Variants in PLEKHH2 observed in about 807,000 individuals in gnomAD.
PLEKHH2 encodes pleckstrin homology, MyTH4 and FERM domain containing H2.
PLEKHH2 carries 129 observed loss-of-function variants against 187.9 expected under a neutral mutation model. The observed-to-expected ratio is 0.69, with a 90% CI of 0.59 to 0.79. The LOEUF is 0.79. Ranked by LOEUF, PLEKHH2 falls within the 30% of genes least tolerant of loss-of-function variation. PLEKHH2 has a pLI of 0.00. For synonymous variants in PLEKHH2, 686 were observed against 605.6 expected (o/e 1.13, Z -1.95); for missense variants, 2,076 against 1,751.2 (o/e 1.19, Z -3.31).
chr2:43,724,613 G>A (rs1239563811), intron 16 of PLEKHH2, among the ~76,000 whole-genome samples: 2 of 152,156 alleles, frequency 1.3e-5, no homozygotes, highest in Non-Finnish European at 2.9e-5. Flanking sequence ...ATTGTTTTGT[G>A]ATATATAACA....
At chr2:43,721,891 TAAAC>T (rs984709554) in intron 16 of PLEKHH2, among the ~76,000 whole-genome samples, 12 of 149,964 alleles carry the variant, frequency 8.0e-5, no homozygotes, top group South Asian at 4.3e-4. Flanking sequence ...TGTCTCAAAA[TAAAC>T]AAACAAACAA....
intron 3 of PLEKHH2, chr2:43,680,991 A>G (rs1668146422): frequency 8.2e-7 from 1 of 1,214,542 alleles, no homozygotes; most frequent in East Asian, 2.7e-5. Context: ...ACTGTTGTTC[A>G]TATGCCAACT....
In PLEKHH2 at chr2:43,765,813, C is replaced by T; in HGVS notation, c.*215C>T. ...CAAAATTTGCCAACACACTAATTTTCTTATAGAGTAAATGAGTAAGAATTC... is the reference window on the plus strand; with the variant it reads ...CAAAATTTGCCAACACACTAATTTTTTTATAGAGTAAATGAGTAAGAATTC... On this transcript the variant is annotated 3_prime_UTR_variant, in exon 30 of 30. Transcript: ENST00000282406. The T allele has an allele frequency of 2.3e-6, 1 of 436,750 alleles. No individual in the cohort carries two copies. The highest frequency in any genetic ancestry group is 7.2e-5 in the South Asian group (1 of 13,842). 27.1% of individuals were successfully genotyped at this position (436,750 alleles called of 1,614,324 possible).
intron 21 of PLEKHH2, among the ~76,000 whole-genome samples, chr2:43,742,103 T>A (rs938197628): frequency 2.0e-5 from 3 of 151,932 alleles, no homozygotes; most frequent in Non-Finnish European, 4.4e-5. Context: ...AAGGTCCAAG[T>A]GATTCTCCTG....
In PLEKHH2 at chr2:43,712,004, G is replaced by C. The variant is rs986893674; in HGVS notation, c.2302-221G>C. On this transcript the variant is annotated intron_variant, in intron 14 of 29. Transcript: ENST00000282406. ...CATAACCCCAAAATTAGGTAAACTG[G>C]AGTAACAAAGTTATTTCCACAAAAA... The C allele has an allele frequency of 8.6e-6, 11 of 1,271,830 alleles. No individual in the cohort carries two copies. In the Admixed American group the frequency reaches 4.2e-4, roughly 48 times the overall value. 78.8% of individuals were successfully genotyped at this position (1,271,830 alleles called of 1,614,324 possible). A position where few individuals can be genotyped will look rare whatever the true frequency, so the allele number is the denominator to read the frequency against.
intron 18 of PLEKHH2, among the ~76,000 whole-genome samples, chr2:43,730,581 C>T (rs1196335648): frequency 6.6e-6 from 1 of 152,046 alleles, no homozygotes; most frequent in Non-Finnish European, 1.5e-5. Flanking sequence ...GTATCATTGG[C>T]AGAGATGGGG....
Position 43,718,698 on chromosome 2 carries a change from A to G in PLEKHH2, c.2461-1971A>G, listed in dbSNP as rs184105195. 1.2e-3 allele frequency among the ~76,000 whole-genome samples: 182 copies of G among 152,340 alleles called. 2 individuals carry two copies. Among genetic ancestry groups the G allele is most frequent in the African/African-American group, 4.2e-3 (174 of 41,586 alleles). ...AAATCATTTCAGAAGTACACTGTCTATAGCCAGATGCATTATACTTCAGTT... is the reference window on the plus strand; with the variant it reads ...AAATCATTTCAGAAGTACACTGTCTGTAGCCAGATGCATTATACTTCAGTT... On this transcript the variant is annotated intron_variant, in intron 15 of 29. Transcript: ENST00000282406.
intron 11 of PLEKHH2, among the ~76,000 whole-genome samples, chr2:43,708,724 C>A (rs1029716741): frequency 2.6e-5 from 4 of 152,216 alleles, no homozygotes; most frequent in African/African-American, 9.6e-5. Context: ...TGGCCCTGGT[C>A]CTGGGAGCCT....
At chr2:43,717,481 G>T (rs1215578733) in intron 15 of PLEKHH2, among the ~76,000 whole-genome samples, 2 of 152,180 alleles carry the variant, frequency 1.3e-5, no homozygotes, top group South Asian at 2.1e-4. Context: ...GTGAGAGGGG[G>T]AGGGAAGTGG....
intron 1 of PLEKHH2, among the ~76,000 whole-genome samples, chr2:43,640,888 G>A (rs1248813899): frequency 2.0e-5 from 3 of 151,202 alleles, no homozygotes; most frequent in Admixed American, 2.0e-4. Flanking sequence ...GGGCTCAAGT[G>A]ATCTTCCTGC....
intron 1 of PLEKHH2, among the ~76,000 whole-genome samples, chr2:43,643,692 T>C (rs945950531): frequency 1.2e-4 from 18 of 152,102 alleles, no homozygotes; most frequent in African/African-American, 4.3e-4. Flanking sequence ...AGGCTTTCCA[T>C]TCCTAATGTA....
intron 6 of PLEKHH2, among the ~76,000 whole-genome samples, 178 bp from the exon 7 acceptor site, chr2:43,696,993 A>G (rs1024308916): frequency 1.3e-5 from 2 of 152,226 alleles, no homozygotes; most frequent in African/African-American, 4.8e-5. Context: ...GAATTTAAAC[A>G]TTGGGATGTG....
intron 2 of PLEKHH2, among the ~76,000 whole-genome samples, chr2:43,671,053 G>A (rs1029938970): frequency 6.7e-6 from 1 of 150,218 alleles, no homozygotes; most frequent in Non-Finnish European, 1.5e-5. Flanking sequence ...GCGTAATCTC[G>A]GCTCACTGCA....
intron 12 of PLEKHH2, 34 bp from the exon 13 acceptor site, chr2:43,710,186 C>T (rs1276724675): frequency 6.2e-7 from 1 of 1,610,300 alleles, no homozygotes; most frequent in Non-Finnish European, 8.5e-7. Flanking sequence ...CAAAAGGAAA[C>T]TGAAAATGCT....
intron 2 of PLEKHH2, chr2:43,675,953 A>G: frequency 6.2e-7 from 1 of 1,614,032 alleles, no homozygotes; most frequent in Non-Finnish European, 8.5e-7. Context: ...ACGTATTTGT[A>G]AGCGGTCCTC....
chr2:43,666,004 A>C lies in PLEKHH2; in HGVS notation c.124-12859A>C, dbSNP rs921904249. 2.5e-3 allele frequency among the ~76,000 whole-genome samples: 359 copies of C among 144,920 alleles called. 16 individuals carry two copies. In the East Asian group the frequency reaches 0.064, roughly 26 times the overall value. On this transcript the variant is annotated intron_variant, in intron 2 of 29. Coordinates refer to ENST00000282406, the MANE Select transcript of PLEKHH2 (RefSeq NM_172069.4). ...CCTTGAGCTGTGGTGGGCTCCACCC[A>C]GTTCGAGCTTCCCGGCTGCTTTGTT...
chr2:43,764,410 C>T (rs2104633259), intron 29 of PLEKHH2, 45 bp downstream of exon 29: 1 of 1,586,168 alleles, frequency 6.3e-7, no homozygotes, highest in East Asian at 2.3e-5. Flanking sequence ...TAGTTGTTTT[C>T]ACTTAGTCTT....
chr2:43,738,810 C>T (rs1671423144), intron 20 of PLEKHH2, among the ~76,000 whole-genome samples: 1 of 152,110 alleles, frequency 6.6e-6, no homozygotes, highest in Admixed American at 6.6e-5. Flanking sequence ...CTTAGACATT[C>T]TTCAAAACAT....
Position 43,720,716 on chromosome 2 carries a change from G to A in PLEKHH2, c.2508G>A (p.Lys836=). The change falls in exon 16 of 30, where the codon AAG becomes AAA. Residue 836 remains lysine, a synonymous_variant. Coordinates refer to ENST00000282406, the MANE Select transcript of PLEKHH2 (RefSeq NM_172069.4). The part of the protein sequence containing the change: ...SKRVWCTLIG[K]TLYYFRSQED... ...GAGTCTGGTGTACACTAATAGGAAA[G>A]ACATTATATTATTTTCGGAGTCAAG... is the stretch of plus-strand genomic sequence containing the variant. 6.2e-7 allele frequency: 1 copy of A among 1,608,624 alleles called. No individual in the cohort carries two copies. Among genetic ancestry groups the A allele is most frequent in the Non-Finnish European group, 8.5e-7 (1 of 1,178,442 alleles).
Sources: gnomAD v4.1 joint callset for allele counts (sites outside exome capture counted in the v4.1 genomes callset) on GRCh38, gnomAD v4.1.1 for gene constraint, MANE v1.5 for transcripts, NCBI Gene and HGNC (gene_info 2026-07-23, HGNC 2026-07-21) for gene names.